Variants in KIF1B observed in about 807,000 individuals in gnomAD.
KIF1B encodes kinesin family member 1B.
A neutral mutation model predicts 241.9 loss-of-function variants in KIF1B; 76 were observed. That is an observed-to-expected ratio of 0.31 (90% CI 0.26 to 0.38). The LOEUF is 0.38. Ranked by LOEUF, KIF1B falls within the 10% of genes least tolerant of loss-of-function variation. KIF1B has a pLI of 1.00. For missense variants in KIF1B, 1,622 were observed against 2,271.4 expected, an observed-to-expected ratio of 0.71 and a Z score of 5.81; for synonymous variants, 750 against 796.7, an observed-to-expected ratio of 0.94 and a Z score of 0.99.
At chr1:10,244,964 TGAA>T (rs1413507479) in intron 2 of KIF1B, among the ~76,000 whole-genome samples, 6 of 152,206 alleles carry the variant, frequency 3.9e-5, no homozygotes, top group African/African-American at 1.4e-4. Flanking sequence ...AAGATTGTGC[TGAA>T]GATGTCACTG....
chr1:10,325,001 A>G (rs1651675597), intron 26 of KIF1B, 106 bp downstream of exon 26: 1 of 1,280,990 alleles, frequency 7.8e-7, no homozygotes, highest in Non-Finnish European at 1.1e-6. Context: ...AAAAAGGTGT[A>G]AAAAGGCCTT....
intron 32 of KIF1B, 140 bp downstream of exon 32, chr1:10,339,999 G>T: frequency 1.3e-6 from 1 of 757,886 alleles, no homozygotes; most frequent in Non-Finnish European, 2.3e-6. Context: ...GGCTAGAGTG[G>T]TGAGGTCATC....
intron 44 of KIF1B, among the ~76,000 whole-genome samples, chr1:10,370,728 C>G (rs995111977): frequency 4.6e-5 from 7 of 151,706 alleles, no homozygotes; most frequent in African/African-American, 1.7e-4. Context: ...AACCTTGCCC[C>G]TTTTATAAAT....
In KIF1B at chr1:10,324,101, G is replaced by A. The variant is rs745416847; in HGVS notation, c.2537+39G>A. 4 of 1,596,834 alleles carry A rather than the reference G, an allele frequency of 2.5e-6. No individual in the cohort carries two copies. In the South Asian group the frequency reaches 4.4e-5, roughly 18 times the overall value. On this transcript the variant is annotated intron_variant, in intron 25 of 48. Transcript: ENST00000676179. ...CATAAAGGCTGGTTGTTTTATTTAG[G>A]AAATAACAATGACCTGCTCAAGTGA...
Position 10,292,616 on chromosome 1 carries a change from A to G in KIF1B, c.1590+494A>G, listed in dbSNP as rs924967504. ...ACTAAGTAAAGCAATTCCTGTCCCTATCCTTCTAGACTCCTCTGCTTCCTT... is the reference window on the plus strand; with the variant it reads ...ACTAAGTAAAGCAATTCCTGTCCCTGTCCTTCTAGACTCCTCTGCTTCCTT... On this transcript the variant is annotated intron_variant, in intron 17 of 48. Coordinates refer to ENST00000676179, the MANE Select transcript of KIF1B (RefSeq NM_001365951.3). Among the ~76,000 whole-genome samples, 4 of 152,188 alleles carry G rather than the reference A, an allele frequency of 2.6e-5. No individual in the cohort carries two copies. The East Asian group carries it at 7.7e-4, about 29-fold the overall frequency.
chr1:10,366,822 T>A (rs1205598938), intron 43 of KIF1B, among the ~76,000 whole-genome samples: 1 of 151,780 alleles, frequency 6.6e-6, no homozygotes, highest in African/African-American at 2.4e-5. Flanking sequence ...AATACAAAAA[T>A]TAGCCGAACG....
chr1:10,367,614 A>G (rs948596542), intron 43 of KIF1B, among the ~76,000 whole-genome samples: 3 of 150,708 alleles, frequency 2.0e-5, no homozygotes, highest in Non-Finnish European at 4.4e-5. Context: ...GGCTCACTGC[A>G]GCCTTCACTT....
chr1:10,270,558 T>C (rs769678334), intron 7 of KIF1B, among the ~76,000 whole-genome samples: 5 of 152,224 alleles, frequency 3.3e-5, no homozygotes, highest in Non-Finnish European at 7.3e-5. Flanking sequence ...TACAAGTCTT[T>C]GTGTGGACAT....
At chr1:10,289,019 T>C (rs184164238) in intron 15 of KIF1B, among the ~76,000 whole-genome samples, 11 of 152,244 alleles carry the variant, frequency 7.2e-5, no homozygotes, top group Non-Finnish European at 1.5e-4. Flanking sequence ...GAATCATACA[T>C]TGAAGTGTTT....
chr1:10,218,425 C>A (rs1480738071), intron 1 of KIF1B, among the ~76,000 whole-genome samples: 1 of 146,126 alleles, frequency 6.8e-6, no homozygotes, highest in Non-Finnish European at 1.5e-5. Context: ...CTTTGTGCAA[C>A]TTTTTTTTTT....
At chr1:10,213,137 T>G (rs548853936) in intron 1 of KIF1B, among the ~76,000 whole-genome samples, 50 of 151,772 alleles carry the variant, frequency 3.3e-4, no homozygotes, top group Non-Finnish European at 4.3e-4. Flanking sequence ...GTTAGAAGTA[T>G]TTCTAAGTTT....
At chr1:10,315,881 C>A (rs956148158) in intron 22 of KIF1B, among the ~76,000 whole-genome samples, 1 of 151,126 alleles carries the variant, frequency 6.6e-6, no homozygotes, top group African/African-American at 2.5e-5. Context: ...CATGGTAAAA[C>A]CCCCTCTCTA....
chr1:10,235,552 C>CA (rs1299671354), intron 2 of KIF1B, among the ~76,000 whole-genome samples: 3 of 150,962 alleles, frequency 2.0e-5, no homozygotes, highest in South Asian at 4.2e-4. Flanking sequence ...TGCACCCAGC[C>CA]AAAAAAAAGG....
chr1:10,228,776 G>A (rs1250592955), intron 1 of KIF1B, among the ~76,000 whole-genome samples: 1 of 152,126 alleles, frequency 6.6e-6, no homozygotes, highest in Non-Finnish European at 1.5e-5. Flanking sequence ...CATGGATTGA[G>A]GTAATATCAG....
intron 44 of KIF1B, among the ~76,000 whole-genome samples, chr1:10,370,422 G>A (rs1184543354): frequency 6.6e-6 from 1 of 151,652 alleles, no homozygotes; most frequent in Non-Finnish European, 1.5e-5. Context: ...AAATTAGTTG[G>A]GTGTGGTGGT....
At position 10,272,228 on chromosome 1, in the gene KIF1B, G is replaced by A. The variant is rs769191379; in HGVS notation, c.799-13G>A. ...ATTCTTCATCATTCTTTCATATTTG[G>A]TATTTATTTTAGGAAGGAGCAAATA... On this transcript the variant is annotated splice_polypyrimidine_tract_variant and intron_variant, in intron 8 of 48. Coordinates refer to ENST00000676179, the MANE Select transcript of KIF1B (RefSeq NM_001365951.3). The A allele has an allele frequency of 1.4e-6, 2 of 1,439,988 alleles. No homozygotes were observed. The highest frequency in any genetic ancestry group is 1.7e-5 in the Admixed American group (1 of 59,774). The allele number at this position is 1,439,988 out of a possible 1,614,324, so 89.2% of individuals were successfully genotyped here. A position where few individuals can be genotyped will look rare whatever the true frequency, so the allele number is the denominator to read the frequency against.
intron 2 of KIF1B, among the ~76,000 whole-genome samples, chr1:10,245,042 C>T (rs1647191061): frequency 6.6e-6 from 1 of 152,150 alleles, no homozygotes; most frequent in Admixed American, 6.6e-5. Flanking sequence ...AGTGTTGCCA[C>T]ACAGATAACA....
At chr1:10,339,106 G>A (rs897424503) in intron 31 of KIF1B, among the ~76,000 whole-genome samples, 2 of 151,958 alleles carry the variant, frequency 1.3e-5, no homozygotes, top group African/African-American at 4.8e-5. Flanking sequence ...GAGAGAGAAC[G>A]ATAACATCTC....
chr1:10,217,851 T>G (rs1188264911), intron 1 of KIF1B, among the ~76,000 whole-genome samples: 3 of 152,082 alleles, frequency 2.0e-5, no homozygotes, highest in Non-Finnish European at 4.4e-5. Flanking sequence ...ATTTATTAAT[T>G]TTAATGTCCT....
Sources: gnomAD v4.1 joint callset for allele counts (sites outside exome capture counted in the v4.1 genomes callset) on GRCh38, gnomAD v4.1.1 for gene constraint, MANE v1.5 for transcripts, NCBI Gene and HGNC (gene_info 2026-07-23, HGNC 2026-07-21) for gene names.